Variants in KCNMA1 observed in about 807,000 individuals in gnomAD.
KCNMA1 encodes Calcium-activated potassium channel subunit alpha-1.
KCNMA1 carries 29 observed loss-of-function variants against 140.0 expected under a neutral mutation model. That is an observed-to-expected ratio of 0.21 (90% CI 0.15 to 0.28). KCNMA1 has a LOEUF of 0.28. Ranked by LOEUF, KCNMA1 falls within the 10% of genes least tolerant of loss-of-function variation. The pLI is 1.00. For synonymous variants in KCNMA1, 612 were observed against 611.9 expected (o/e 1.00, Z 0.00); for missense variants, 880 against 1,602.2 (o/e 0.55, Z 7.70).
At chr10:77,352,146 G>C (rs1298409409) in intron 2 of KCNMA1, among the ~76,000 whole-genome samples, 2 of 152,164 alleles carry the variant, frequency 1.3e-5, no homozygotes, top group African/African-American at 4.8e-5. Flanking sequence ...CCGCGTGCAG[G>C]GTTCAAATCA....
chr10:76,999,353 C>A lies in KCNMA1; in HGVS notation c.2266+2054G>T, dbSNP rs147836112. On this transcript the variant is annotated intron_variant, in intron 19 of 27. Coordinates refer to ENST00000286628, the MANE Select transcript of KCNMA1 (RefSeq NM_001161352.2). ...GGGCCCTAGCTCAGAGCCAGAGTGGCTCCTTTCTTTTCTCCACTGAGTCTA... is the reference window on the plus strand; with the variant it reads ...GGGCCCTAGCTCAGAGCCAGAGTGGATCCTTTCTTTTCTCCACTGAGTCTA... Among the ~76,000 whole-genome samples the A allele has an allele frequency of 1.4e-3, 219 of 152,330 alleles. 3 individuals are homozygous for A. The highest frequency in any genetic ancestry group is 4.6e-3 in the East Asian group (24 of 5,174).
downstream of KCNMA1, among the ~76,000 whole-genome samples, chr10:76,884,704 C>T (rs533950118): frequency 6.3e-4 from 95 of 150,160 alleles, 1 homozygote; most frequent in East Asian, 2.2e-3. Context: ...AGGAATCTAG[C>T]GATAGCAGCA....
intron 3 of KCNMA1, among the ~76,000 whole-genome samples, chr10:77,216,421 G>A (rs2047811309): frequency 6.6e-6 from 1 of 152,118 alleles, no homozygotes; most frequent in African/African-American, 2.4e-5. Flanking sequence ...GGAAGAGAAG[G>A]CAAACAGCAG....
intron 1 of KCNMA1, among the ~76,000 whole-genome samples, chr10:77,576,542 G>T (rs1380434496): frequency 1.3e-5 from 2 of 152,092 alleles, no homozygotes; most frequent in Non-Finnish European, 2.9e-5. Flanking sequence ...CTCCACTGGA[G>T]ACGTGCTTCC....
intron 23 of KCNMA1, among the ~76,000 whole-genome samples, chr10:76,920,660 G>A (rs1223851605): frequency 6.6e-6 from 1 of 152,150 alleles, no homozygotes; most frequent in African/African-American, 2.4e-5. Context: ...TCAGAGCAGT[G>A]GCATAACTGG....
At chr10:77,083,666 T>TA (rs1002700713) in intron 12 of KCNMA1, among the ~76,000 whole-genome samples, 31 of 147,072 alleles carry the variant, frequency 2.1e-4, no homozygotes, top group South Asian at 1.3e-3. Context: ...CTGTCCCTAC[T>TA]AAAAAAAAAA....
At chr10:77,119,957 T>C (rs2097559995) in intron 6 of KCNMA1, among the ~76,000 whole-genome samples, 2 of 151,910 alleles carry the variant, frequency 1.3e-5, no homozygotes, top group Non-Finnish European at 2.9e-5. Context: ...CAATCATAGG[T>C]TGAATTTGTT....
intron 12 of KCNMA1, among the ~76,000 whole-genome samples, chr10:77,080,263 A>G (rs2096531284): frequency 6.6e-6 from 1 of 152,218 alleles, no homozygotes; most frequent in African/African-American, 2.4e-5. Flanking sequence ...AATTAAAAGT[A>G]GGTATAAATA....
chr10:77,012,532 C>T, intron 17 of KCNMA1: 3 of 1,550,054 alleles, frequency 1.9e-6, no homozygotes, highest in Non-Finnish European at 2.6e-6. Flanking sequence ...TTCTGGGCAG[C>T]CAAAGGGAGA....
intron 1 of KCNMA1, among the ~76,000 whole-genome samples, chr10:77,456,364 A>T (rs1295032286): frequency 2.0e-5 from 3 of 152,020 alleles, no homozygotes; most frequent in Non-Finnish European, 4.4e-5. Flanking sequence ...AACCTTTCCC[A>T]TCAAAAGTAG....
At chr10:76,917,840 C>G (rs1470249165) in intron 23 of KCNMA1, among the ~76,000 whole-genome samples, 1 of 152,084 alleles carries the variant, frequency 6.6e-6, no homozygotes, top group Non-Finnish European at 1.5e-5. Context: ...AGCATTGTTT[C>G]TTTCTTAGGG....
chr10:77,349,331 G>A (rs2092591111), intron 2 of KCNMA1, among the ~76,000 whole-genome samples: 1 of 152,162 alleles, frequency 6.6e-6, no homozygotes, highest in Non-Finnish European at 1.5e-5. Context: ...AAATCTGCTG[G>A]TGTCTTGACC....
At chr10:77,019,385 C>T (rs774747995) in intron 16 of KCNMA1, 77 of 385,336 alleles carry the variant, frequency 2.0e-4, no homozygotes, top group Non-Finnish European at 3.4e-4. Flanking sequence ...AGCAGTCTAG[C>T]TGCCATCATG....
chr10:77,164,795 A>T (rs2154085106), intron 5 of KCNMA1, among the ~76,000 whole-genome samples: 1 of 152,306 alleles, frequency 6.6e-6, no homozygotes, highest in Non-Finnish European at 1.5e-5. Context: ...GTCCGGAGGT[A>T]ACAGAAGCAA....
chr10:77,066,715 TG>T (rs2095965626), intron 14 of KCNMA1, among the ~76,000 whole-genome samples: 1 of 152,242 alleles, frequency 6.6e-6, no homozygotes, highest in South Asian at 2.1e-4. Flanking sequence ...TGCAGAAGTC[TG>T]CTGTCATAAT....
chr10:77,619,316 C>CTG (rs978434717), intron 1 of KCNMA1, among the ~76,000 whole-genome samples: 3 of 820 alleles, frequency 3.7e-3, no homozygotes, highest in South Asian at 0.05. Flanking sequence ...GTCTGTCTGT[C>CTG]TCTCTCTCTC....
intron 1 of KCNMA1, among the ~76,000 whole-genome samples, chr10:77,475,579 A>C (rs2098261134): frequency 6.6e-6 from 1 of 152,202 alleles, no homozygotes; most frequent in Admixed American, 6.5e-5. Context: ...AACCAAGGCA[A>C]GGGGAGATTA....
chr10:77,298,644 A>T (rs186543644), intron 2 of KCNMA1, among the ~76,000 whole-genome samples: 1 of 152,264 alleles, frequency 6.6e-6, no homozygotes, highest in East Asian at 1.9e-4. Flanking sequence ...GATGATTCCA[A>T]TACCCAGCTG....
chr10:77,090,788 G>A (rs558849003), intron 9 of KCNMA1: 1 of 526,448 alleles, frequency 1.9e-6, no homozygotes. Flanking sequence ...GTGGTTTTAT[G>A]CATTTAACAA....
Sources: gnomAD v4.1 joint callset for allele counts (sites outside exome capture counted in the v4.1 genomes callset) on GRCh38, gnomAD v4.1.1 for gene constraint, MANE v1.5 for transcripts, NCBI Gene and HGNC (gene_info 2026-07-23, HGNC 2026-07-21) for gene names.